ADH7: variants seen among roughly 807,000 people sequenced by gnomAD.
ADH7 encodes all-trans-retinol dehydrogenase [NAD(+)] ADH7.
A neutral mutation model predicts 34.4 loss-of-function variants in ADH7; 41 were observed. That is an observed-to-expected ratio of 1.19 (90% confidence interval 0.93 to 1.55). The LOEUF (loss-of-function observed/expected upper bound fraction) is 1.55. ADH7 is among the 40% of genes most tolerant of loss of function. ADH7 has a pLI of 0.00. For synonymous variants in ADH7, 180 were observed against 160.9 expected (o/e 1.12, Z -0.90); for missense variants, 540 against 461.2 (o/e 1.17, Z -1.56).
At chr4:99,425,949 CT>C (rs1176709811) in intron 5 of ADH7, among the ~76,000 whole-genome samples, 3 of 152,118 alleles carry the variant, frequency 2.0e-5, no homozygotes, top group African/African-American at 7.2e-5. Flanking sequence ...CAACCTGCTC[CT>C]GAATGACTAC....
rs760781649 is a variant in ADH7 at position 99,415,589 on chromosome 4, T to C, written c.989A>G (p.Lys330Arg). 2.5e-6 allele frequency: 4 copies of C among 1,613,410 alleles called. No homozygotes were observed. The highest frequency in any genetic ancestry group is 1.7e-5 in the Admixed American group (1 of 59,980). Residue 330 changes from lysine to arginine, a missense_variant, in exon 8 of 9, where the codon AAA becomes AGA. Transcript: ENST00000437033. Reference sequence around the variant, plus strand: ...CTTTGCCAGGAACTCAGTCACTAGTTTTGGGACATCATCTCTGCTTTTCAA... The same window carrying C: ...CTTTGCCAGGAACTCAGTCACTAGTCTTGGGACATCATCTCTGCTTTTCAA... The part of the protein sequence containing the change: ...GGLKSRDDVP[K>R]LVTEFLAKKF...
chr4:99,417,338 A>G (rs1410938343), intron 7 of ADH7, among the ~76,000 whole-genome samples: 1 of 152,076 alleles, frequency 6.6e-6, no homozygotes, highest in Non-Finnish European at 1.5e-5. Context: ...TTGTAGCCAT[A>G]CTGACCTTTT....
Position 99,434,930 on chromosome 4 carries a change from T to G in ADH7, c.18+286A>C. 3 of 1,102,400 alleles carry G rather than the reference T, an allele frequency of 2.7e-6. No homozygotes were observed. In the South Asian group the frequency reaches 4.4e-5, roughly 16 times the overall value. The allele number at this position is 1,102,400 out of a possible 1,614,324, so 68.3% of individuals were successfully genotyped here. Reference sequence around the variant, plus strand: ...TGGCTTCCTGGAGCAATTGCCCAGCTATCCGGAAATCAAATTATGAATAAT... The same window carrying G: ...TGGCTTCCTGGAGCAATTGCCCAGCGATCCGGAAATCAAATTATGAATAAT... On this transcript the variant is annotated intron_variant, in intron 1 of 8. Coordinates refer to ENST00000437033, the MANE Select transcript of ADH7 (RefSeq NM_000673.7).
rs1403678493 is a variant in ADH7, at chr4:99,427,814, C to T, written c.523G>A (p.Gly175Arg). 2.4e-5 allele frequency: 39 copies of T among 1,603,290 alleles called. No individual in the cohort carries two copies. The highest frequency in any genetic ancestry group is 3.2e-5 in the Non-Finnish European group (38 of 1,173,698). Residue 175 changes from glycine (G) to arginine (R), a missense_variant, in exon 5 of 9, where the codon GGG becomes AGG. Gly to Arg is a moderately radical substitution (Grantham distance 125, BLOSUM62 -2). Transcript: ENST00000437033. Reference sequence around the variant, plus strand: ...GCAGCGCCATATCCAGTGGAAAACCCACAGCCAATTAAACAGACTTTCTCA... The same window carrying T: ...GCAGCGCCATATCCAGTGGAAAACCTACAGCCAATTAAACAGACTTTCTCA... The part of the protein sequence containing the change: ...PPEKVCLIGC[G>R]FSTGYGAAVK...
intron 5 of ADH7, among the ~76,000 whole-genome samples, chr4:99,422,945 T>G (rs200539566): frequency 3.4e-5 from 5 of 147,058 alleles, no homozygotes; most frequent in Non-Finnish European, 6.0e-5. Context: ...GTTACATATG[T>G]ATACATGTGC....
At chr4:99,430,167 C>T (rs185302483) in intron 1 of ADH7, 1 of 152,536 alleles carries the variant, frequency 6.6e-6, no homozygotes, top group African/African-American at 2.4e-5. Context: ...CCATGAACAT[C>T]ATGAAGCATA....
intron 7 of ADH7, among the ~76,000 whole-genome samples, chr4:99,418,249 G>A (rs1020120088): frequency 5.9e-5 from 9 of 151,318 alleles, no homozygotes; most frequent in East Asian, 3.9e-4. Flanking sequence ...TGTATCCTTC[G>A]CTACATTATG....
At position 99,435,316 on chromosome 4, in the gene ADH7, C is replaced by A. The variant is rs1257129837; in HGVS notation, c.-83G>T. 6.4e-7 allele frequency: 1 copy of A among 1,571,964 alleles called. No individual in the cohort carries two copies. The highest frequency in any genetic ancestry group is 1.1e-5 in the South Asian group (1 of 88,236). On this transcript the variant is annotated 5_prime_UTR_variant, in exon 1 of 9. Transcript: ENST00000437033. ...CAGTTCACTCTGTTGTATATAACAG[C>A]AGCTTGTGCCTTCACATAGATAGTC...
Position 99,428,491 on chromosome 4 carries a change from C to G in ADH7, c.259+1G>C, listed in dbSNP as rs768488196. 6.2e-7 allele frequency: 1 copy of G among 1,610,952 alleles called. No homozygotes were observed. The highest frequency in any genetic ancestry group is 1.3e-5 in the African/African-American group (1 of 74,750). On this transcript the variant is annotated splice_donor_variant, in intron 3 of 8. Transcript: ENST00000437033. LOFTEE classifies it high-confidence loss of function. ...ACTTGTGGTTTGACACCTGCATATACCTGGTTTCACTGTAGTCACTCCTTC... is the reference window on the plus strand; with the variant it reads ...ACTTGTGGTTTGACACCTGCATATAGCTGGTTTCACTGTAGTCACTCCTTC...
intron 2 of ADH7, 101 bp downstream of exon 2, chr4:99,429,431 G>A (rs761819296): frequency 1.3e-5 from 10 of 756,438 alleles, no homozygotes; most frequent in Admixed American, 8.1e-5. Flanking sequence ...TCCAAACATG[G>A]GAAGCATCTC....
intron 7 of ADH7, 121 bp downstream of exon 7, chr4:99,418,865 C>T (rs1721581847): frequency 1.7e-6 from 2 of 1,166,638 alleles, no homozygotes; most frequent in African/African-American, 3.1e-5. Context: ...GATCACAGTT[C>T]CATTTTAGAT....
rs1327473006 is a variant in ADH7 at position 99,428,507 on chromosome 4, T to C, written c.244A>G (p.Thr82Ala). ...CTGCATATACCTGGTTTCACTGTAG[T>C]CACTCCTTCTCCAATGCTCTCTACA... The part of the protein sequence containing the change: ...GIVESIGEGV[T>A]TVKPGDKVIP... The change falls in exon 3 of 9, where the codon ACT becomes GCT. Residue 82 changes from threonine (T) to alanine (A), a missense_variant. Thr to Ala is a moderately conservative substitution (Grantham distance 58). Coordinates refer to ENST00000437033, the MANE Select transcript of ADH7 (RefSeq NM_000673.7). 8.7e-6 allele frequency: 14 copies of C among 1,612,862 alleles called. No individual in the cohort carries two copies. Among genetic ancestry groups the C allele is most frequent in the Non-Finnish European group, 1.0e-5 (12 of 1,179,658 alleles).
At chr4:99,423,831 C>A (rs1579576402) in intron 5 of ADH7, among the ~76,000 whole-genome samples, 1 of 152,158 alleles carries the variant, frequency 6.6e-6, no homozygotes, top group East Asian at 1.9e-4. Context: ...TATAGGTTGT[C>A]TGTTCACTCT....
chr4:99,428,517 T>C lies in ADH7; in HGVS notation c.234A>G (p.Gly78=), dbSNP rs1721865774. The change falls in exon 3 of 9, where the codon GGA becomes GGG. Residue 78 remains glycine (G), a synonymous_variant. Coordinates refer to ENST00000437033, the MANE Select transcript of ADH7 (RefSeq NM_000673.7). ...HEATGIVESI[G]EGVTTVKPGD... ...CTGGTTTCACTGTAGTCACTCCTTC[T>C]CCAATGCTCTCTACAATCCCAGTTG... The C allele has an allele frequency of 1.2e-6, 2 of 1,613,518 alleles. No homozygotes were observed. The highest frequency in any genetic ancestry group is 1.7e-6 in the Non-Finnish European group (2 of 1,179,838).
chr4:99,427,355 G>C (rs960198187), intron 5 of ADH7, among the ~76,000 whole-genome samples: 8 of 152,064 alleles, frequency 5.3e-5, no homozygotes, highest in Non-Finnish European at 1.0e-4. Flanking sequence ...TTTTTTCTGA[G>C]AAGTTGGTAA....
chr4:99,432,300 AC>A (rs1294106931), intron 1 of ADH7, among the ~76,000 whole-genome samples: 1 of 152,132 alleles, frequency 6.6e-6, no homozygotes, highest in Non-Finnish European at 1.5e-5. Context: ...AACAATGGAC[AC>A]CAGGGCCCAT....
chr4:99,426,127 C>T (rs1034297568), intron 5 of ADH7, among the ~76,000 whole-genome samples: 1 of 152,100 alleles, frequency 6.6e-6, no homozygotes, highest in African/African-American at 2.4e-5. Context: ...AAAATTGACA[C>T]CCTAACATCA....
chr4:99,419,485 A>G (rs531751645), intron 6 of ADH7, among the ~76,000 whole-genome samples: 9 of 151,118 alleles, frequency 6.0e-5, no homozygotes, highest in African/African-American at 2.2e-4. Flanking sequence ...CATTTAGCGT[A>G]GTTTTTTTTT....
At chr4:99,434,891 CT>C in intron 1 of ADH7, 1 of 719,702 alleles carries the variant, frequency 1.4e-6, no homozygotes, top group Non-Finnish European at 2.3e-6. Context: ...TTGAAGTGTC[CT>C]TGTGGAAACA....
Sources: gnomAD v4.1 joint callset for allele counts (sites outside exome capture counted in the v4.1 genomes callset) on GRCh38, gnomAD v4.1.1 for gene constraint, MANE v1.5 for transcripts, NCBI Gene and HGNC (gene_info 2026-07-23, HGNC 2026-07-21) for gene names.